POTEB3: variants seen among roughly 807,000 people sequenced by gnomAD.
The protein encoded by POTEB3 is ANKRD26-like family B member 1.
POTEB3 carries 5 observed loss-of-function variants against 39.8 expected under a neutral mutation model. That is an observed-to-expected ratio of 0.13 (90% CI 0.07 to 0.26). The LOEUF (loss-of-function observed/expected upper bound fraction) is 0.26, where lower values mean the gene tolerates loss of function less well. Among genes scored for constraint, POTEB3 ranks in the 10% least tolerant of loss-of-function variants. POTEB3 has a pLI of 1.00. For synonymous variants in POTEB3, 5 were observed against 161.5 expected, an observed-to-expected ratio of 0.03 and a Z score of 7.35; for missense variants, 24 against 475.6, an observed-to-expected ratio of 0.05 and a Z score of 8.83.
At chr15:21,413,506 TTATATATA>T (rs1160375320) in intron 9 of POTEB3, among the ~76,000 whole-genome samples, 4 of 1,452 alleles carry the variant, frequency 2.8e-3, no homozygotes, top group Non-Finnish European at 2.9e-3. Context: ...ATAAAGAAAA[TTATATATA>T]TATATATATA....
chr15:21,410,837 A>G lies in POTEB3; in HGVS notation c.1533+41T>C. ...CCAAAATAAAGCTTTTTAAAAATAT[A>G]CACACATATGAAAACATTTGATAAT... On this transcript the variant is annotated intron_variant, in intron 10 of 10. Transcript: ENST00000611217. The G allele has an allele frequency of 3.9e-6, 4 of 1,017,910 alleles. 1 individual carries two copies. Among genetic ancestry groups the G allele is most frequent in the Non-Finnish European group, 2.6e-6 (2 of 766,120 alleles). 63.1% of individuals were successfully genotyped at this position (1,017,910 alleles called of 1,614,324 possible).
intron 6 of POTEB3, among the ~76,000 whole-genome samples, chr15:21,422,779 G>A (rs1319558333): frequency 6.6e-6 from 1 of 151,696 alleles, no homozygotes; most frequent in Non-Finnish European, 1.5e-5. Flanking sequence ...CAATGCAGCT[G>A]CAAGGTCGCA....
rs1464732161 is a variant in POTEB3 at position 21,409,827 on chromosome 15, G to T, written c.1534-632C>A. Among the ~76,000 whole-genome samples, 5 of 106,342 alleles carry T rather than the reference G, an allele frequency of 4.7e-5. 1 individual carries two copies. Among genetic ancestry groups the T allele is most frequent in the African/African-American group, 1.7e-4 (3 of 17,736 alleles). The allele number at this position is 106,342 out of a possible 152,430, so 69.8% of individuals were successfully genotyped here. The stretch of plus-strand genomic sequence containing the variant: ...AAGGAGAGATCAAAAAATATATGCA[G>T]CCAGGACCAGTGGCTCACACCTGTA... On this transcript the variant is annotated intron_variant, in intron 10 of 10. Transcript: ENST00000611217.
At position 21,410,774 on chromosome 15, in the gene POTEB3, C is replaced by A. The variant is rs111143775; in HGVS notation, c.1533+104G>T. 88 of 708,904 alleles carry A rather than the reference C, an allele frequency of 1.2e-4. 17 individuals are homozygous for A. Among genetic ancestry groups the A allele is most frequent in the South Asian group, 1.8e-4 (9 of 51,304 alleles). 43.9% of individuals were successfully genotyped at this position (708,904 alleles called of 1,614,324 possible). A position where few individuals can be genotyped will look rare whatever the true frequency, so the allele number is the denominator to read the frequency against. On this transcript the variant is annotated intron_variant, in intron 10 of 10. Transcript: ENST00000611217. The stretch of plus-strand genomic sequence containing the variant: ...ATACACACACACAGACACACACACA[C>A]GTGTGTATATATATGATTTAAAAAT...
At chr15:21,430,801 G>C (rs141772425) in intron 4 of POTEB3, among the ~76,000 whole-genome samples, 9,417 of 142,812 alleles carry the variant, frequency 0.066, 45 homozygotes, top group Admixed American at 0.12. Context: ...CTCTCTGCAT[G>C]CTGAAAGCAG....
chr15:21,417,433 GT>G (rs1433706796), intron 9 of POTEB3, among the ~76,000 whole-genome samples: 1 of 68,154 alleles, frequency 1.5e-5, no homozygotes, highest in Non-Finnish European at 2.5e-5. Flanking sequence ...CATAAAAGGT[GT>G]AGTTTTCAAA....
chr15:21,417,311 G>GT (rs1186290072), intron 9 of POTEB3, among the ~76,000 whole-genome samples: 1 of 74,368 alleles, frequency 1.3e-5, no homozygotes, highest in Non-Finnish European at 2.4e-5. Flanking sequence ...ATTTGAGTTC[G>GT]TGAGTGTAGA....
intron 4 of POTEB3, among the ~76,000 whole-genome samples, chr15:21,431,009 G>A (rs1236213564): frequency 3.3e-5 from 5 of 150,836 alleles, no homozygotes; most frequent in Admixed American, 1.3e-4. Flanking sequence ...TGTCACACAC[G>A]TAGCAAGTAA....
intron 10 of POTEB3, among the ~76,000 whole-genome samples, chr15:21,409,872 C>T (rs1458522464): frequency 9.4e-6 from 1 of 105,930 alleles, no homozygotes; most frequent in Non-Finnish European, 1.8e-5. Context: ...CTTCAGGAGG[C>T]TGAGGCAGGA....
chr15:21,427,112 T>C (rs1898752980), intron 6 of POTEB3, among the ~76,000 whole-genome samples: 2 of 151,850 alleles, frequency 1.3e-5, no homozygotes, highest in South Asian at 4.1e-4. Flanking sequence ...TTATCTACGG[T>C]AGGACCACCC....
chr15:21,426,388 G>A (rs1258037401), intron 6 of POTEB3: 2 of 325,842 alleles, frequency 6.1e-6, no homozygotes, highest in Non-Finnish European at 1.2e-5. Flanking sequence ...TTGGCATCTA[G>A]CACACAGTAA....
rs1438838319 is a variant in POTEB3, at chr15:21,433,469, G to A, written c.810+1192C>T. 3.3e-5 allele frequency among the ~76,000 whole-genome samples: 5 copies of A among 149,592 alleles called. 1 individual carries two copies. Among genetic ancestry groups the A allele is most frequent in the African/African-American group, 7.4e-5 (3 of 40,442 alleles). On this transcript the variant is annotated intron_variant, in intron 3 of 10. Transcript: ENST00000611217. ...AATCTTCAGGGGAAAACCTAGACCT[G>A]AAGATTATTTAAAAATTTTCCTGAG...
chr15:21,413,506 T>TTA (rs1160375320), intron 9 of POTEB3, among the ~76,000 whole-genome samples: 305 of 1,454 alleles, frequency 0.21, 24 homozygotes, highest in Admixed American at 0.32. Context: ...ATAAAGAAAA[T>TTA]TATATATATA....
At chr15:21,415,211 TA>T (rs1256098255) in intron 9 of POTEB3, among the ~76,000 whole-genome samples, 2 of 89,706 alleles carry the variant, frequency 2.2e-5, no homozygotes, top group African/African-American at 7.9e-5. Context: ...TCTCTCTAAA[TA>T]AAAAAATAAT....
chr15:21,427,128 AG>A (rs1898754611), intron 6 of POTEB3, among the ~76,000 whole-genome samples: 3 of 151,750 alleles, frequency 2.0e-5, no homozygotes, highest in Non-Finnish European at 4.4e-5. Context: ...CACCCAGAGC[AG>A]GGGTCCACAA....
intron 6 of POTEB3, among the ~76,000 whole-genome samples, chr15:21,423,364 T>C (rs367687852): frequency 1.2e-5 from 1 of 83,248 alleles, no homozygotes; most frequent in Non-Finnish European, 2.5e-5. Context: ...CCCAAAATGC[T>C]GCAATTACAG....
chr15:21,413,926 T>A (rs1156654606), intron 9 of POTEB3, among the ~76,000 whole-genome samples: 1 of 77,420 alleles, frequency 1.3e-5, no homozygotes, highest in Admixed American at 1.1e-4. Context: ...TTTTAAAATA[T>A]CAAAATGTCA....
Position 21,410,018 on chromosome 15 carries a change from G to A in POTEB3, c.1534-823C>T, listed in dbSNP as rs1409738119. On this transcript the variant is annotated intron_variant, in intron 10 of 10. Coordinates refer to ENST00000611217, the MANE Select transcript of POTEB3 (RefSeq NM_207355.5). ...ACACACACACATATATATATGCAAC[G>A]TGCAAGATTTTTGCCAGGTCTTCTG... Among the ~76,000 whole-genome samples, 451 of 95,646 alleles carry A rather than the reference G, an allele frequency of 4.7e-3. 152 individuals are homozygous for A. Among genetic ancestry groups the A allele is most frequent in the Middle Eastern group, 0.033 (7 of 212 alleles). 62.7% of individuals were successfully genotyped at this position (95,646 alleles called of 152,430 possible).
chr15:21,410,823 CT>C (rs1420628820), intron 10 of POTEB3, 54 bp downstream of exon 10: 1 of 952,630 alleles, frequency 1.0e-6, no homozygotes, highest in Non-Finnish European at 1.4e-6. Context: ...CAAAATAAAG[CT>C]TTTTAAAAAT....
Sources: allele counts gnomAD v4.1 joint callset (sites outside exome capture counted in the v4.1 genomes callset), GRCh38; gene constraint gnomAD v4.1.1; transcripts MANE v1.5; gene names NCBI Gene and HGNC (gene_info 2026-07-23, HGNC 2026-07-21).